Variants in PTPRN2 observed in about 807,000 individuals in gnomAD.
PTPRN2 encodes receptor-type tyrosine-protein phosphatase N2.
In PTPRN2, 74 loss-of-function variants were observed where a neutral mutation model predicts 118.8. The ratio of observed to expected loss-of-function variants is 0.62; its 90% confidence interval spans 0.52 to 0.76. The LOEUF (loss-of-function observed/expected upper bound fraction) is 0.76. Ranked by LOEUF, PTPRN2 falls within the 30% of genes least tolerant of loss-of-function variation. The probability of loss-of-function intolerance (pLI) is 0.00; values close to 1 mark genes in which losing one functional copy is unlikely to be tolerated. For synonymous variants in PTPRN2, 641 were observed against 608.0 expected, an observed-to-expected ratio of 1.05 and a Z score of -0.80; for missense variants, 1,481 against 1,394.4, an observed-to-expected ratio of 1.06 and a Z score of -0.99.
chr7:157,784,904 T>G lies in PTPRN2; in HGVS notation c.1789-101967A>C, dbSNP rs1803928117. On this transcript the variant is annotated intron_variant, in intron 12 of 22. Transcript: ENST00000389418. The surrounding 1 kb of genome is among the most constrained non-coding windows in gnomAD (Gnocchi z 4.6). Reference sequence around the variant, plus strand: ...ACTTGTTCAAATGGGTGGGCAGCTGTTTCTCTGAGGAAACGCGCCCCTCCC... The same window carrying G: ...ACTTGTTCAAATGGGTGGGCAGCTGGTTCTCTGAGGAAACGCGCCCCTCCC... Among the ~76,000 whole-genome samples, 1 of 151,812 alleles carries G rather than the reference T, an allele frequency of 6.6e-6. No homozygotes were observed. The highest frequency in any genetic ancestry group is 2.4e-5 in the African/African-American group (1 of 41,308).
chr7:157,683,533 A>T (rs968637618), intron 12 of PTPRN2, among the ~76,000 whole-genome samples: 1 of 151,820 alleles, frequency 6.6e-6, no homozygotes, highest in Non-Finnish European at 1.5e-5. Flanking sequence ...GACTCCAGTC[A>T]CTCTCCAGGA....
chr7:158,332,314 C>T (rs1428315209), intron 2 of PTPRN2, among the ~76,000 whole-genome samples: 3 of 47,238 alleles, frequency 6.4e-5, no homozygotes, highest in Admixed American at 3.1e-4. Context: ...CACACCCACA[C>T]TCTCACCATA....
In PTPRN2 at chr7:157,817,116, G is replaced by A. The variant is rs190182326; in HGVS notation, c.1788+81557C>T. On this transcript the variant is annotated intron_variant, in intron 12 of 22. Transcript: ENST00000389418. Reference sequence around the variant, plus strand: ...CATGGGAGCGCTGTGTTCCGGGGGCGCCGCGGGTCCCTCCTCCCCAGGCTG... The same window carrying A: ...CATGGGAGCGCTGTGTTCCGGGGGCACCGCGGGTCCCTCCTCCCCAGGCTG... 3.3e-5 allele frequency among the ~76,000 whole-genome samples: 5 copies of A among 152,288 alleles called. No individual in the cohort carries two copies. The East Asian group carries it at 7.7e-4, about 24-fold the overall frequency.
At position 157,874,848 on chromosome 7, in the gene PTPRN2, T is replaced by G. The variant is rs12666975; in HGVS notation, c.1788+23825A>C. Among the ~76,000 whole-genome samples the G allele has an allele frequency of 7.0e-6, 1 of 142,254 alleles. No homozygotes were observed. Among genetic ancestry groups the G allele is most frequent in the African/African-American group, 2.6e-5 (1 of 37,776 alleles). The allele number at this position is 142,254 out of a possible 152,430, so 93.3% of individuals were successfully genotyped here. ...ACACAGAGACACACTCATGCACATA[T>G]ACACACGGAGACACACTCGTGCACA... On this transcript the variant is annotated intron_variant, in intron 12 of 22. Transcript: ENST00000389418. This position sits in a 1 kb window ranked among gnomAD's most constrained non-coding sequence, Gnocchi z 5.8.
At chr7:158,575,519 C>T (rs1343015071) in intron 1 of PTPRN2, among the ~76,000 whole-genome samples, 1 of 152,196 alleles carries the variant, frequency 6.6e-6, no homozygotes, top group Non-Finnish European at 1.5e-5. Flanking sequence ...TGTGTGCCAC[C>T]AGGCCCAGCT....
rs980329784 is a variant in PTPRN2, at chr7:158,060,824, T to C, written c.1723+20474A>G. 6.9e-4 allele frequency among the ~76,000 whole-genome samples: 105 copies of C among 152,246 alleles called. 2 individuals carry two copies. Among genetic ancestry groups the C allele is most frequent in the Non-Finnish European group, 1.3e-4 (9 of 68,038 alleles). On this transcript the variant is annotated intron_variant, in intron 11 of 22. Transcript: ENST00000389418. Reference sequence around the variant, plus strand: ...GCATGGAAAGAGACCATGTAGGCCTTGCTAAGAAGGATGGCCTGGAGGGAT... The same window carrying C: ...GCATGGAAAGAGACCATGTAGGCCTCGCTAAGAAGGATGGCCTGGAGGGAT...
At chr7:158,185,208 A>G (rs1825037702) in intron 5 of PTPRN2, among the ~76,000 whole-genome samples, 1 of 152,128 alleles carries the variant, frequency 6.6e-6, no homozygotes. Context: ...TTCTTTTAAA[A>G]TCTTTCTCTG....
At chr7:157,765,008 T>C (rs561711774) in intron 12 of PTPRN2, among the ~76,000 whole-genome samples, 20 of 142,398 alleles carry the variant, frequency 1.4e-4, no homozygotes, top group African/African-American at 5.3e-4. Flanking sequence ...CAACCATCCA[T>C]CATTCTTCCA....
At chr7:158,232,631 C>T (rs147695185) in intron 3 of PTPRN2, among the ~76,000 whole-genome samples, 369 of 148,272 alleles carry the variant, frequency 2.5e-3, no homozygotes, top group African/African-American at 8.7e-3. Context: ...GCTGAAAAGA[C>T]AAGACAAAAA....
At chr7:157,645,330 C>G (rs1804992076) in intron 14 of PTPRN2, among the ~76,000 whole-genome samples, 1 of 152,198 alleles carries the variant, frequency 6.6e-6, no homozygotes, top group Non-Finnish European at 1.5e-5. Flanking sequence ...CCCTTCCCAC[C>G]TACCAGCGGC....
chr7:158,415,895 G>C (rs530507314), intron 2 of PTPRN2, among the ~76,000 whole-genome samples: 2 of 152,330 alleles, frequency 1.3e-5, no homozygotes, highest in Admixed American at 1.3e-4. Flanking sequence ...GCATTCCTCA[G>C]AGGGCTGGGT....
intron 3 of PTPRN2, among the ~76,000 whole-genome samples, chr7:158,307,654 CCAAAGA>C (rs376525188): frequency 4.2e-4 from 64 of 152,120 alleles, no homozygotes; most frequent in African/African-American, 1.5e-3. Flanking sequence ...CCTTCAAAAC[CCAAAGA>C]CAAAGTAAAT....
chr7:157,693,917 G>C (rs965208838), intron 12 of PTPRN2, among the ~76,000 whole-genome samples: 5 of 152,352 alleles, frequency 3.3e-5, no homozygotes, highest in African/African-American at 9.6e-5. Flanking sequence ...CTCCACGGCG[G>C]CGCAGACCGC....
intron 2 of PTPRN2, among the ~76,000 whole-genome samples, chr7:158,487,986 CG>C (rs1821151315): frequency 6.6e-6 from 1 of 151,812 alleles, no homozygotes; most frequent in Non-Finnish European, 1.5e-5. Context: ...GATGTTGAGA[CG>C]ACTCTATGTC....
At chr7:157,951,464 A>G (rs954935932) in intron 11 of PTPRN2, among the ~76,000 whole-genome samples, 4 of 152,082 alleles carry the variant, frequency 2.6e-5, no homozygotes, top group African/African-American at 9.7e-5. Flanking sequence ...GGCGCTGCTG[A>G]TGCTCATAGG....
At chr7:158,348,585 C>A (rs890743356) in intron 2 of PTPRN2, among the ~76,000 whole-genome samples, 1 of 152,166 alleles carries the variant, frequency 6.6e-6, no homozygotes. Context: ...CACTTGCAGT[C>A]CTGAGTGCTG....
chr7:158,089,710 C>A (rs1414042925), intron 10 of PTPRN2, among the ~76,000 whole-genome samples: 4 of 135,654 alleles, frequency 2.9e-5, no homozygotes, highest in East Asian at 2.2e-4. Flanking sequence ...TCTTCACACA[C>A]ATCCTTCCTC....
At chr7:158,523,718 T>TCATCTGCCCTGGAGC (rs1824480498) in intron 1 of PTPRN2, among the ~76,000 whole-genome samples, 2 of 22,266 alleles carry the variant, frequency 9.0e-5, no homozygotes, top group Non-Finnish European at 1.6e-4. Flanking sequence ...TGCCCTGGAG[T>TCATCTGCCCTGGAGC]GGAGTCTGCC....
At chr7:157,798,847 G>C (rs962238058) in intron 12 of PTPRN2, among the ~76,000 whole-genome samples, 2 of 152,020 alleles carry the variant, frequency 1.3e-5, no homozygotes, top group South Asian at 2.1e-4. Flanking sequence ...CAGGGTGGGC[G>C]TCCCACCGGC....
Sources: gnomAD v4.1 joint callset for allele counts (sites outside exome capture counted in the v4.1 genomes callset) on GRCh38, gnomAD v4.1.1 for gene constraint, Gnocchi (gnomAD v3.1) non-coding constraint, MANE v1.5 for transcripts, NCBI Gene and HGNC (gene_info 2026-07-23, HGNC 2026-07-21) for gene names.